Variants in ZNF385D observed in about 807,000 individuals in gnomAD.
ZNF385D encodes the protein zinc finger protein 385D.
In ZNF385D, 15 loss-of-function variants were observed where a neutral mutation model predicts 35.8. The ratio of observed to expected loss-of-function variants is 0.42; its 90% CI spans 0.28 to 0.64. ZNF385D has a LOEUF of 0.64. Ranked by LOEUF, ZNF385D falls within the 30% of genes least tolerant of loss-of-function variation. The pLI, the probability that ZNF385D is intolerant of heterozygous loss-of-function variation, is 0.23. For synonymous variants in ZNF385D, 212 were observed against 186.8 expected, an observed-to-expected ratio of 1.13 and a Z score of -1.10; for missense variants, 474 against 494.6, an observed-to-expected ratio of 0.96 and a Z score of 0.39.
intron 3 of ZNF385D, among the ~76,000 whole-genome samples, chr3:22,110,169 A>G (rs930907752): frequency 6.6e-6 from 1 of 152,142 alleles, no homozygotes; most frequent in Non-Finnish European, 1.5e-5. Flanking sequence ...GAGAAATAGG[A>G]ACACTTTCAT....
At chr3:22,129,105 G>A (rs895307721) in intron 3 of ZNF385D, among the ~76,000 whole-genome samples, 12 of 152,146 alleles carry the variant, frequency 7.9e-5, no homozygotes, top group Non-Finnish European at 2.9e-5. Context: ...CACCTTGGTG[G>A]TCTTGGGTAA....
chr3:21,468,597 C>A (rs749493858), intron 4 of ZNF385D, among the ~76,000 whole-genome samples: 29 of 152,024 alleles, frequency 1.9e-4, no homozygotes, highest in Non-Finnish European at 3.8e-4. Context: ...AACCTCAAAA[C>A]CCTATGTTGA....
At chr3:21,815,448 A>C (rs2073104913) in intron 3 of ZNF385D, among the ~76,000 whole-genome samples, 1 of 152,218 alleles carries the variant, frequency 6.6e-6, no homozygotes. Flanking sequence ...AAGACTAATA[A>C]AGAAGAAAAG....
intron 3 of ZNF385D, among the ~76,000 whole-genome samples, chr3:21,979,162 G>T (rs1025145232): frequency 2.0e-5 from 3 of 151,994 alleles, no homozygotes; most frequent in Non-Finnish European, 4.4e-5. Context: ...CTGTAGAATA[G>T]TCTGGGCTGG....
At position 21,655,444 on chromosome 3, in the gene ZNF385D, T is replaced by A. The variant is rs566924979; in HGVS notation, c.165+9442A>T. ...GTTACTGAAATAGCAGTGTATTTTTTAATTTATTAACATTTAAAGTTATTT... is the reference window on the plus strand; with the variant it reads ...GTTACTGAAATAGCAGTGTATTTTTAAATTTATTAACATTTAAAGTTATTT... On this transcript the variant is annotated intron_variant, in intron 2 of 7. Coordinates refer to ENST00000281523, the MANE Select transcript of ZNF385D (RefSeq NM_024697.3). Among the ~76,000 whole-genome samples, 24 of 152,158 alleles carry A rather than the reference T, an allele frequency of 1.6e-4. No individual in the cohort carries two copies. The South Asian group carries it at 3.9e-3, about 25-fold the overall frequency.
intron 4 of ZNF385D, among the ~76,000 whole-genome samples, chr3:21,445,245 G>A (rs1243079954): frequency 6.6e-6 from 1 of 152,130 alleles, no homozygotes; most frequent in Non-Finnish European, 1.5e-5. Context: ...AACCTAAAAA[G>A]AAAGAAGCCA....
At chr3:21,925,008 G>C (rs1575929921) in intron 3 of ZNF385D, among the ~76,000 whole-genome samples, 1 of 152,114 alleles carries the variant, frequency 6.6e-6, no homozygotes, top group South Asian at 2.1e-4. Flanking sequence ...GATAAAAAAA[G>C]AGAAAAATAA....
At chr3:22,230,994 CT>C (rs1698855438) in intron 2 of ZNF385D, among the ~76,000 whole-genome samples, 1 of 151,880 alleles carries the variant, frequency 6.6e-6, no homozygotes, top group Admixed American at 6.6e-5. Flanking sequence ...GGCAATCTCT[CT>C]TGGATATACA....
At chr3:22,095,665 C>A (rs74700863) in intron 3 of ZNF385D, among the ~76,000 whole-genome samples, 5 of 62,726 alleles carry the variant, frequency 8.0e-5, no homozygotes, top group Non-Finnish European at 1.3e-4. Context: ...AAATTGATTT[C>A]TTTATTTTAA....
intron 2 of ZNF385D, among the ~76,000 whole-genome samples, chr3:22,209,568 G>T (rs1183305426): frequency 2.0e-5 from 3 of 151,666 alleles, no homozygotes; most frequent in Non-Finnish European, 4.4e-5. Context: ...ACTTATTTTT[G>T]TTCCATGCAC....
intron 3 of ZNF385D, among the ~76,000 whole-genome samples, chr3:21,905,689 A>AATATATATATATATATATAT (rs4044583): frequency 6.0e-5 from 9 of 148,822 alleles, no homozygotes; most frequent in East Asian, 4.0e-4. Flanking sequence ...CATCTGTGGT[A>AATATATATATATATATATAT]ATATATATAT....
At chr3:22,305,394 C>T (rs1425986566) in intron 2 of ZNF385D, among the ~76,000 whole-genome samples, 1 of 152,160 alleles carries the variant, frequency 6.6e-6, no homozygotes, top group Non-Finnish European at 1.5e-5. Context: ...TTACTAACTA[C>T]ATCAATCTGG....
chr3:22,113,476 A>G (rs145236131), intron 3 of ZNF385D, among the ~76,000 whole-genome samples: 1 of 152,254 alleles, frequency 6.6e-6, no homozygotes, highest in African/African-American at 2.4e-5. Context: ...AACTTAGCTA[A>G]CCTAAGATGA....
At chr3:21,672,400 T>A (rs1459459688) in intron 1 of ZNF385D, among the ~76,000 whole-genome samples, 1 of 152,026 alleles carries the variant, frequency 6.6e-6, no homozygotes, top group South Asian at 2.1e-4. Flanking sequence ...TCAACTCAAA[T>A]GTTGAAACTC....
chr3:21,900,423 ATGT>A (rs1699342800), intron 3 of ZNF385D, among the ~76,000 whole-genome samples: 2 of 152,284 alleles, frequency 1.3e-5, no homozygotes, highest in South Asian at 4.1e-4. Flanking sequence ...CTTTATAATA[ATGT>A]TGTTATTGAT....
chr3:22,233,955 A>C (rs907159329), intron 2 of ZNF385D, among the ~76,000 whole-genome samples: 1 of 152,054 alleles, frequency 6.6e-6, no homozygotes, highest in Non-Finnish European at 1.5e-5. Flanking sequence ...CCACTCTTCT[A>C]TCTCCTAATC....
chr3:22,169,268 T>A lies in ZNF385D; in HGVS notation c.107-233A>T, dbSNP rs572442518. Among the ~76,000 whole-genome samples, 16 of 152,358 alleles carry A rather than the reference T, an allele frequency of 1.1e-4. 1 individual carries two copies. In the South Asian group the frequency reaches 3.3e-3, roughly 32 times the overall value. On this transcript the variant is annotated intron_variant, in intron 2 of 5. Coordinates refer to the ZNF385D transcript ENST00000494108. ...TATTCCCAATACTGTGCTATATGTT[T>A]TTATTACTTCATTTAATTATCATAA... is the stretch of plus-strand genomic sequence containing the variant.
intron 3 of ZNF385D, among the ~76,000 whole-genome samples, chr3:21,996,264 G>A (rs528604636): frequency 2.0e-5 from 3 of 152,274 alleles, no homozygotes; most frequent in African/African-American, 7.2e-5. Context: ...GGTTGGGACG[G>A]CAGGAGTCAA....
intron 3 of ZNF385D, among the ~76,000 whole-genome samples, chr3:21,853,164 T>C (rs1272884380): frequency 1.3e-5 from 2 of 151,692 alleles, no homozygotes; most frequent in African/African-American, 2.4e-5. Flanking sequence ...AAACAGCAAA[T>C]ATACATTAAA....
Sources: allele counts gnomAD v4.1 joint callset (sites outside exome capture counted in the v4.1 genomes callset), GRCh38; gene constraint gnomAD v4.1.1; transcripts MANE v1.5; gene names NCBI Gene and HGNC (gene_info 2026-07-23, HGNC 2026-07-21).